The following OLFM2 variants were observed in gnomAD, a reference collection of about 807,000 sequenced individuals.
The protein encoded by OLFM2 is noelin-2.
In OLFM2, 20 loss-of-function variants were observed where a neutral mutation model predicts 43.9. The ratio of observed to expected loss-of-function variants is 0.46; its 90% confidence interval spans 0.32 to 0.66. The LOEUF (loss-of-function observed/expected upper bound fraction) is 0.66, where lower values mean the gene tolerates loss of function less well. OLFM2 is among the 30% of genes least tolerant of loss of function. The probability of loss-of-function intolerance (pLI) is 0.04; values close to 1 mark genes in which losing one functional copy is unlikely to be tolerated. For missense variants in OLFM2, 416 were observed against 643.6 expected (o/e 0.65, Z 3.83); for synonymous variants, 268 against 278.6 (o/e 0.96, Z 0.38).
chr19:9,888,849 A>G (rs555655122), intron 1 of OLFM2, among the ~76,000 whole-genome samples: 2 of 151,812 alleles, frequency 1.3e-5, no homozygotes, highest in Non-Finnish European at 2.9e-5. Flanking sequence ...GGCGGATCAC[A>G]AGGTCAGGAG....
At chr19:9,906,953 G>T (rs1035553320) in intron 1 of OLFM2, among the ~76,000 whole-genome samples, 4 of 152,084 alleles carry the variant, frequency 2.6e-5, no homozygotes, top group African/African-American at 9.7e-5. Flanking sequence ...TTCCATCTTG[G>T]AGCCAGTACT....
At chr19:9,905,406 G>A (rs987925166) in intron 1 of OLFM2, among the ~76,000 whole-genome samples, 10 of 151,980 alleles carry the variant, frequency 6.6e-5, no homozygotes, top group African/African-American at 1.9e-4. Context: ...GCAGTGAGCC[G>A]AGATTGCGCC....
chr19:9,909,721 C>T (rs1005003558), intron 1 of OLFM2, among the ~76,000 whole-genome samples: 1 of 152,190 alleles, frequency 6.6e-6, no homozygotes, highest in Non-Finnish European at 1.5e-5. Flanking sequence ...ACATCTCCTC[C>T]TAACCGAACA....
intron 1 of OLFM2, among the ~76,000 whole-genome samples, chr19:9,919,216 G>C (rs370215723): frequency 1.0e-4 from 15 of 150,592 alleles, no homozygotes; most frequent in African/African-American, 3.0e-4. Context: ...ACCCAGGCTG[G>C]AGTGCAATGG....
Position 9,907,472 on chromosome 19 carries a change from TAAAC to T in OLFM2, c.63+28828_63+28831del, listed in dbSNP as rs371748877. ...GAGATTCTATCTCAAAATAAATGAATAAACAAACAAACAAATAAATAAATAAGAG... is the reference window on the plus strand; with the variant it reads ...GAGATTCTATCTCAAAATAAATGAATAAACAAACAAATAAATAAATAAGAG... On this transcript the variant is annotated intron_variant, in intron 1 of 5. Coordinates refer to ENST00000264833, the MANE Select transcript of OLFM2 (RefSeq NM_058164.4). Among the ~76,000 whole-genome samples the T allele has an allele frequency of 6.2e-3, 940 of 151,334 alleles. 9 individuals are homozygous for T. Among genetic ancestry groups the T allele is most frequent in the African/African-American group, 0.022 (905 of 41,220 alleles).
chr19:9,913,738 G>A, intron 1 of OLFM2: 6 of 986,646 alleles, frequency 6.1e-6, no homozygotes, highest in Non-Finnish European at 7.3e-6. Context: ...GGGCACGAGC[G>A]CGAGCTGCGG....
intron 1 of OLFM2, among the ~76,000 whole-genome samples, chr19:9,922,326 T>C (rs2086426702): frequency 6.6e-6 from 1 of 152,054 alleles, no homozygotes; most frequent in Admixed American, 6.6e-5. Context: ...AAACCAGACA[T>C]CTGAACAGAG....
At chr19:9,876,330 G>A (rs961498137) in intron 1 of OLFM2, among the ~76,000 whole-genome samples, 4 of 152,142 alleles carry the variant, frequency 2.6e-5, no homozygotes, top group South Asian at 4.1e-4. Flanking sequence ...ATTTCACACC[G>A]ATAGCCAGGG....
chr19:9,890,845 T>A (rs896304321), intron 1 of OLFM2, among the ~76,000 whole-genome samples: 1 of 152,116 alleles, frequency 6.6e-6, no homozygotes, highest in African/African-American at 2.4e-5. Flanking sequence ...TCCCAGCTAC[T>A]CAGGAGGCTG....
chr19:9,877,117 C>G (rs745771964), intron 1 of OLFM2, among the ~76,000 whole-genome samples: 3 of 151,518 alleles, frequency 2.0e-5, no homozygotes, highest in Non-Finnish European at 2.9e-5. Flanking sequence ...GTAATCCCAG[C>G]TACTCGGGAG....
chr19:9,867,229 G>C (rs2046408759), intron 1 of OLFM2, among the ~76,000 whole-genome samples: 2 of 152,168 alleles, frequency 1.3e-5, no homozygotes, highest in African/African-American at 4.8e-5. Flanking sequence ...AAATTAGCCA[G>C]ACGTGGTGGC....
chr19:9,909,283 T>C (rs570390209), intron 1 of OLFM2, among the ~76,000 whole-genome samples: 1 of 152,220 alleles, frequency 6.6e-6, no homozygotes, highest in Admixed American at 6.5e-5. Context: ...GGGTATAACA[T>C]ACAAGATTCA....
Position 9,856,903 on chromosome 19 carries a change from C to T in OLFM2, c.591G>A (p.Lys197=), listed in dbSNP as rs1260247646. 1 of 1,608,696 alleles carries T rather than the reference C, an allele frequency of 6.2e-7. No homozygotes were observed. Among genetic ancestry groups the T allele is most frequent in the East Asian group, 2.2e-5 (1 of 44,754 alleles). Reference sequence around the variant, plus strand: ...TGATGGGGTTACTGACCCCGGTCAGCTTCCCACAGCCTGGGAGGCAGGAAC... The same window carrying T: ...TGATGGGGTTACTGACCCCGGTCAGTTTCCCACAGCCTGGGAGGCAGGAAC... ...HACAQKLGCG[K]LTGVSNPITV... is the part of the protein sequence containing the mutation. Residue 197 remains lysine, a synonymous_variant, in exon 5 of 6, where the codon AAG becomes AAA. Coordinates refer to ENST00000264833, the MANE Select transcript of OLFM2 (RefSeq NM_058164.4). This position sits in a 1 kb window ranked among gnomAD's most constrained non-coding sequence, Gnocchi z 4.0.
chr19:9,880,262 AG>A (rs2046528390), intron 1 of OLFM2, among the ~76,000 whole-genome samples: 1 of 152,198 alleles, frequency 6.6e-6, no homozygotes, highest in Non-Finnish European at 1.5e-5. Context: ...AAAGGCAGGG[AG>A]GGCAGAGCAT....
chr19:9,934,863 C>T (rs1023013984), intron 1 of OLFM2, among the ~76,000 whole-genome samples: 2 of 152,180 alleles, frequency 1.3e-5, no homozygotes, highest in East Asian at 3.8e-4. Flanking sequence ...CTCCCAACAC[C>T]CCCCTCGGGG....
At chr19:9,866,205 G>C (rs1404425961) in intron 1 of OLFM2, among the ~76,000 whole-genome samples, 3 of 152,200 alleles carry the variant, frequency 2.0e-5, no homozygotes, top group Non-Finnish European at 4.4e-5. Flanking sequence ...GAGGTCCTGA[G>C]TTTTGCCCAT....
At chr19:9,867,631 G>A (rs2046412709) in intron 1 of OLFM2, among the ~76,000 whole-genome samples, 1 of 152,140 alleles carries the variant, frequency 6.6e-6, no homozygotes, top group South Asian at 2.1e-4. Context: ...ACTCTAAGTG[G>A]TTTACAAGGA....
intron 1 of OLFM2, among the ~76,000 whole-genome samples, chr19:9,906,476 G>A (rs1402678084): frequency 6.6e-6 from 1 of 152,086 alleles, no homozygotes; most frequent in Non-Finnish European, 1.5e-5. Context: ...GAAAGAGCGC[G>A]CCCAAGAGCT....
intron 1 of OLFM2, among the ~76,000 whole-genome samples, chr19:9,872,374 G>T (rs2046449313): frequency 6.6e-6 from 1 of 152,120 alleles, no homozygotes; most frequent in Non-Finnish European, 1.5e-5. Context: ...ATTTAGCCAG[G>T]CATGGTGGCA....
Sources: gnomAD v4.1 joint callset for allele counts (sites outside exome capture counted in the v4.1 genomes callset) on GRCh38, gnomAD v4.1.1 for gene constraint, Gnocchi (gnomAD v3.1) non-coding constraint, MANE v1.5 for transcripts, NCBI Gene and HGNC (gene_info 2026-07-23, HGNC 2026-07-21) for gene names.